The following RANBP2 variants were observed in gnomAD, a reference collection of about 807,000 sequenced individuals.
The protein encoded by RANBP2 is RAN binding protein 2.
A neutral mutation model predicts 303.6 loss-of-function variants in RANBP2; 57 were observed. That is an observed-to-expected ratio of 0.19 (90% CI 0.15 to 0.23). The LOEUF is 0.23. RANBP2 is among the 10% of genes least tolerant of loss of function. The pLI is 1.00. For synonymous variants in RANBP2, 1,167 were observed against 1,301.5 expected (o/e 0.90, Z 2.23); for missense variants, 3,138 against 3,780.8 (o/e 0.83, Z 4.46).
At chr2:109,158,042 G>A in the RANBP2 span, among the ~76,000 whole-genome samples, 1 of 152,190 alleles carries the variant, frequency 6.6e-6, no homozygotes, top group Non-Finnish European at 1.5e-5. Context: ...CAATTGCACT[G>A]TGTCATCTGG....
the RANBP2 span, among the ~76,000 whole-genome samples, chr2:109,035,488 C>T: frequency 0.041 from 6,187 of 151,780 alleles, 215 homozygotes; most frequent in East Asian, 0.092. Flanking sequence ...CACCCCCCAC[C>T]CCACCCCGCC....
At chr2:109,575,842 C>T in the RANBP2 span, among the ~76,000 whole-genome samples, 2 of 152,254 alleles carry the variant, frequency 1.3e-5, no homozygotes, top group African/African-American at 4.8e-5. Flanking sequence ...AGTTGCCCGA[C>T]CTTTTAGTCC....
At chr2:108,867,800 G>A in the RANBP2 span, among the ~76,000 whole-genome samples, 46 of 152,240 alleles carry the variant, frequency 3.0e-4, no homozygotes, top group East Asian at 8.1e-3. Flanking sequence ...ATGTTGCTGT[G>A]TTATGTTCCA....
chr2:108,901,720 C>A, the RANBP2 span, among the ~76,000 whole-genome samples: 4 of 152,128 alleles, frequency 2.6e-5, no homozygotes, highest in Non-Finnish European at 2.9e-5. Flanking sequence ...TAAACAATTC[C>A]TCAAAAAACA....
the RANBP2 span, among the ~76,000 whole-genome samples, chr2:109,733,869 T>TAAA: frequency 1.6e-5 from 2 of 123,314 alleles, no homozygotes; most frequent in Non-Finnish European, 3.5e-5. Flanking sequence ...CAGATCCTGA[T>TAAA]AAAAAAAAAA....
chr2:109,346,498 G>A, the RANBP2 span, among the ~76,000 whole-genome samples: 64 of 152,210 alleles, frequency 4.2e-4, no homozygotes, highest in East Asian at 3.3e-3. Context: ...ATTGACACCC[G>A]AACAATGCAA....
the RANBP2 span, among the ~76,000 whole-genome samples, chr2:109,032,517 C>T: frequency 0.18 from 28,059 of 151,962 alleles, 3,053 homozygotes; most frequent in Middle Eastern, 0.3. Flanking sequence ...ACTTTTACAC[C>T]ATGGAAGGGC....
intron 17 of RANBP2, among the ~76,000 whole-genome samples, chr2:108,757,517 A>G (rs957066101): frequency 1.3e-5 from 2 of 152,230 alleles, no homozygotes; most frequent in Admixed American, 6.5e-5. Flanking sequence ...GTATTATTAT[A>G]TACATAATAA....
chr2:109,409,199 C>G, the RANBP2 span, among the ~76,000 whole-genome samples: 1 of 152,210 alleles, frequency 6.6e-6, no homozygotes, highest in East Asian at 1.9e-4. Flanking sequence ...TCACAACTTT[C>G]ACTTTTTGGT....
the RANBP2 span, among the ~76,000 whole-genome samples, chr2:108,827,048 T>G: frequency 6.6e-6 from 1 of 152,228 alleles, no homozygotes; most frequent in African/African-American, 2.4e-5. Context: ...GATTGTACAT[T>G]ACTAATATAT....
the RANBP2 span, among the ~76,000 whole-genome samples, chr2:109,299,997 C>T: frequency 6.6e-6 from 1 of 152,100 alleles, no homozygotes; most frequent in African/African-American, 2.4e-5. Context: ...GCTCTTTCTT[C>T]AAGAATTTGG....
chr2:109,650,145 G>A, the RANBP2 span, among the ~76,000 whole-genome samples: 1 of 152,176 alleles, frequency 6.6e-6, no homozygotes, highest in African/African-American at 2.4e-5. Context: ...CTGAGATGAT[G>A]GAAATCCATA....
chr2:109,260,092 G>A, the RANBP2 span, among the ~76,000 whole-genome samples: 1 of 152,170 alleles, frequency 6.6e-6, no homozygotes, highest in Admixed American at 6.5e-5. Context: ...CTTTTTGAGA[G>A]TAGAGAGGCT....
the RANBP2 span, among the ~76,000 whole-genome samples, chr2:109,278,810 T>C: frequency 0.32 from 48,132 of 152,064 alleles, 8,218 homozygotes; most frequent in South Asian, 0.41. Flanking sequence ...TTTGTGGGTA[T>C]TGCATCGGCC....
the RANBP2 span, among the ~76,000 whole-genome samples, chr2:109,210,859 G>A: frequency 6.6e-6 from 1 of 152,346 alleles, no homozygotes; most frequent in South Asian, 2.1e-4. Flanking sequence ...TACAACCTAG[G>A]TGAGAAATCT....
chr2:108,830,096 T>C, the RANBP2 span, among the ~76,000 whole-genome samples: 2 of 152,180 alleles, frequency 1.3e-5, no homozygotes, highest in Non-Finnish European at 2.9e-5. Flanking sequence ...GGCATGAAAT[T>C]GACACATGCT....
At chr2:108,720,415 C>T (rs939873407) in intron 1 of RANBP2, among the ~76,000 whole-genome samples, 2 of 151,756 alleles carry the variant, frequency 1.3e-5, no homozygotes, top group African/African-American at 4.8e-5. Flanking sequence ...AATTTTTAAC[C>T]TTTTCCACAA....
At chr2:108,838,816 T>C in the RANBP2 span, among the ~76,000 whole-genome samples, 1 of 152,090 alleles carries the variant, frequency 6.6e-6, no homozygotes, top group Non-Finnish European at 1.5e-5. Flanking sequence ...ATTTGCTTCC[T>C]TGTAAACACC....
chr2:109,373,244 A>G, the RANBP2 span, among the ~76,000 whole-genome samples: 5 of 152,264 alleles, frequency 3.3e-5, no homozygotes, highest in Non-Finnish European at 5.9e-5. Context: ...TTAATGCGCG[A>G]ATACCACTTA....
Sources: gnomAD v4.1 joint callset for allele counts (sites outside exome capture counted in the v4.1 genomes callset) on GRCh38, gnomAD v4.1.1 for gene constraint, MANE v1.5 for transcripts, NCBI Gene and HGNC (gene_info 2026-07-23, HGNC 2026-07-21) for gene names.